Variants in ALDH1L2 observed in about 807,000 individuals in gnomAD.
ALDH1L2 encodes the protein mitochondrial 10-formyltetrahydrofolate dehydrogenase.
A neutral mutation model predicts 111.0 loss-of-function variants in ALDH1L2; 91 were observed. The observed-to-expected ratio is 0.82, with a 90% CI of 0.69 to 0.98. ALDH1L2 has a LOEUF of 0.98. ALDH1L2 is among the 50% of genes least tolerant of loss of function. ALDH1L2 has a pLI of 0.00. For missense variants in ALDH1L2, 995 were observed against 1,126.8 expected (o/e 0.88, Z 1.67); for synonymous variants, 374 against 392.6 (o/e 0.95, Z 0.56).
In ALDH1L2 at chr12:105,046,149, TTCTCTCTCTCTCTC is replaced by T. The variant is rs541003101; in HGVS notation, c.1863+547_1863+560del. Among the ~76,000 whole-genome samples, 76 of 35,996 alleles carry T rather than the reference TTCTCTCTCTCTCTC, an allele frequency of 2.1e-3. 2 individuals carry two copies. The highest frequency in any genetic ancestry group is 7.6e-3 in the African/African-American group (61 of 8,076). The allele number at this position is 35,996 out of a possible 152,430, so 23.6% of individuals were successfully genotyped here. A position where few individuals can be genotyped will look rare whatever the true frequency, so the allele number is the denominator to read the frequency against. On this transcript the variant is annotated intron_variant, in intron 15 of 22. Transcript: ENST00000258494. ...ATGCTTTTCCCTCATCTTCTACATC[TTCTCTCTCTCTCTC>T]TCTCTCTCTCTCTCTCTCTCTCTCT...
intron 16 of ALDH1L2, among the ~76,000 whole-genome samples, chr12:105,040,179 T>G (rs1056681274): frequency 6.8e-6 from 1 of 146,964 alleles, no homozygotes; most frequent in Non-Finnish European, 1.5e-5. Context: ...ATAGTGAAGA[T>G]GGCTTTAAAT....
Position 105,026,709 on chromosome 12 carries a change from G to A in ALDH1L2, c.2552C>T (p.Thr851Ile). 1 of 1,614,086 alleles carries A rather than the reference G, an allele frequency of 6.2e-7. No individual in the cohort carries two copies. Among genetic ancestry groups the A allele is most frequent in the Non-Finnish European group, 8.5e-7 (1 of 1,180,006 alleles). Reference sequence around the variant, plus strand: ...AACCCCTGAGGCCAAACCATACTCTGTACTATTTGCTCGCTGCAACACTCC... The same window carrying A: ...AACCCCTGAGGCCAAACCATACTCTATACTATTTGCTCGCTGCAACACTCC... Reference protein sequence around the residue: ...IDGVLQRANSTEYGLASGVFT... With the variant: ...IDGVLQRANSIEYGLASGVFT... Residue 851 changes from threonine to isoleucine, a missense_variant, in exon 22 of 23, where the codon ACA becomes ATA. Coordinates refer to ENST00000258494, the MANE Select transcript of ALDH1L2 (RefSeq NM_001034173.4).
chr12:105,084,254 T>G (rs1479125609), intron 1 of ALDH1L2, 135 bp downstream of exon 1: 1 of 1,069,708 alleles, frequency 9.3e-7, no homozygotes, highest in Non-Finnish European at 1.3e-6. Context: ...TTGTTTGTTT[T>G]AAACGCTGTC....
chr12:105,046,559 ATATT>A (rs1565957421), intron 15 of ALDH1L2, 147 bp downstream of exon 15: 2 of 645,776 alleles, frequency 3.1e-6, no homozygotes, highest in East Asian at 2.7e-5. Flanking sequence ...TTAAAAATGA[ATATT>A]TACTGACATG....
chr12:105,052,046 A>G (rs772008753), intron 12 of ALDH1L2, 44 bp downstream of exon 12: 49 of 1,480,714 alleles, frequency 3.3e-5, no homozygotes, highest in Non-Finnish European at 4.0e-5. Context: ...TGTCTCTACC[A>G]GAGTTACTTT....
intron 17 of ALDH1L2, among the ~76,000 whole-genome samples, chr12:105,039,107 G>T (rs1277684318): frequency 6.6e-6 from 1 of 152,094 alleles, no homozygotes; most frequent in African/African-American, 2.4e-5. Flanking sequence ...ACCTATTTGT[G>T]ATCTGTCCTA....
rs1019514737 is a variant in ALDH1L2 at position 105,019,964 on chromosome 12, A to T, written c.*4460T>A. On this transcript the variant is annotated 3_prime_UTR_variant, in exon 23 of 23. Transcript: ENST00000258494. ...TGTAGGCTATTTCTGTTTGAAAATA[A>T]CCAAATAGATTTTTGGGTTGACTCA... 6.6e-6 allele frequency: 1 copy of T among 152,232 alleles called. No homozygotes were observed. The highest frequency in any genetic ancestry group is 2.4e-5 in the African/African-American group (1 of 41,452). The allele number at this position is 152,232 out of a possible 1,614,324, so 9.4% of individuals were successfully genotyped here. A position where few individuals can be genotyped will look rare whatever the true frequency, so the allele number is the denominator to read the frequency against.
chr12:105,030,249 A>T, intron 21 of ALDH1L2, 75 bp downstream of exon 21: 1 of 1,070,934 alleles, frequency 9.3e-7, no homozygotes, highest in Non-Finnish European at 1.4e-6. Context: ...TATGCTGTGT[A>T]TATAGCACAG....
intron 1 of ALDH1L2, among the ~76,000 whole-genome samples, chr12:105,076,936 C>A (rs1878079219): frequency 6.6e-6 from 1 of 152,234 alleles, no homozygotes; most frequent in African/African-American, 2.4e-5. Context: ...AGTTAAGTAA[C>A]CTGCCCAAGG....
intron 9 of ALDH1L2, chr12:105,060,575 A>G (rs1433101703): frequency 2.5e-5 from 4 of 159,496 alleles, no homozygotes; most frequent in African/African-American, 9.6e-5. Flanking sequence ...CTATAATCCC[A>G]GCACTTTGGG....
At chr12:105,034,623 C>A (rs10861310) in intron 18 of ALDH1L2, among the ~76,000 whole-genome samples, 34,487 of 152,048 alleles carry the variant, frequency 0.23, 5,403 homozygotes, top group East Asian at 0.5. Context: ...CTTTTGGTCC[C>A]TGAGCATTTT....
intron 2 of ALDH1L2, among the ~76,000 whole-genome samples, chr12:105,072,200 T>A (rs1877778763): frequency 6.8e-6 from 1 of 148,072 alleles, no homozygotes; most frequent in Non-Finnish European, 1.5e-5. Context: ...ATATGATATA[T>A]ACATTTTATA....
Position 105,065,343 on chromosome 12 carries a change from T to G in ALDH1L2, c.710A>C (p.Gln237Pro). ...KKENAEISWD[Q>P]SAEVLHNWIR... ...CCAGTTATGTAAAACTTCGGCAGAC[T>G]GGTCCCAAGAAATCTAGGAAGGCAC... Residue 237 changes from glutamine to proline, a missense_variant, in exon 6 of 23, where the codon CAG becomes CCG. Coordinates refer to ENST00000258494, the MANE Select transcript of ALDH1L2 (RefSeq NM_001034173.4). 6.2e-7 allele frequency: 1 copy of G among 1,611,604 alleles called. No individual in the cohort carries two copies. The highest frequency in any genetic ancestry group is 1.3e-5 in the African/African-American group (1 of 74,978).
At chr12:105,042,599 C>T (rs1184775735) in intron 15 of ALDH1L2, among the ~76,000 whole-genome samples, 1 of 152,086 alleles carries the variant, frequency 6.6e-6, no homozygotes, top group East Asian at 1.9e-4. Context: ...TATTTCTTTT[C>T]TTTGCTGTCA....
At chr12:105,053,978 T>C (rs1876455887) in intron 10 of ALDH1L2, among the ~76,000 whole-genome samples, 1 of 152,000 alleles carries the variant, frequency 6.6e-6, no homozygotes, top group African/African-American at 2.4e-5. Context: ...TATAGGGTAA[T>C]AATAATATTA....
At chr12:105,050,835 C>G in intron 12 of ALDH1L2, 1 of 277,108 alleles carries the variant, frequency 3.6e-6, no homozygotes, top group Non-Finnish European at 7.3e-6. Context: ...GAGAACAGCA[C>G]AGGAAAGACT....
At chr12:105,070,905 A>G (rs1877649744) in intron 2 of ALDH1L2, 101 bp from the exon 3 acceptor site, 1 of 1,006,372 alleles carries the variant, frequency 9.9e-7, no homozygotes, top group Non-Finnish European at 1.4e-6. Context: ...AAATATTTAC[A>G]AATAAAACAT....
At chr12:105,062,690 A>T (rs1332173144) in intron 7 of ALDH1L2, among the ~76,000 whole-genome samples, 198 bp downstream of exon 7, 1 of 152,176 alleles carries the variant, frequency 6.6e-6, no homozygotes, top group Non-Finnish European at 1.5e-5. Context: ...TCCCCACTGA[A>T]TTCCAGCCTC....
At chr12:105,066,240 G>C (rs942834500) in intron 5 of ALDH1L2, among the ~76,000 whole-genome samples, 1 of 152,014 alleles carries the variant, frequency 6.6e-6, no homozygotes, top group African/African-American at 2.4e-5. Context: ...GGCGTTTCTG[G>C]GCATTTTTTA....
Sources: allele counts gnomAD v4.1 joint callset (sites outside exome capture counted in the v4.1 genomes callset), GRCh38; gene constraint gnomAD v4.1.1; transcripts MANE v1.5; gene names NCBI Gene and HGNC (gene_info 2026-07-23, HGNC 2026-07-21).